The following NLRP5 variants were observed in gnomAD, a reference collection of about 807,000 sequenced individuals.
The protein encoded by NLRP5 is NLR family pyrin domain containing 5.
Under a neutral mutation model 113.1 loss-of-function variants are expected in NLRP5, and 93 were observed. The observed-to-expected ratio is 0.82, with a 90% confidence interval of 0.70 to 0.98. NLRP5 has a LOEUF of 0.98. Ranked by LOEUF, NLRP5 falls within the 50% of genes least tolerant of loss-of-function variation. NLRP5 has a pLI of 0.00. For synonymous variants in NLRP5, 751 were observed against 600.7 expected (o/e 1.25, Z -3.66); for missense variants, 1,808 against 1,514.3 (o/e 1.19, Z -3.22).
At chr19:55,989,501 C>T in the NLRP5 span, among the ~76,000 whole-genome samples, 5 of 152,216 alleles carry the variant, frequency 3.3e-5, no homozygotes, top group African/African-American at 1.2e-4. Flanking sequence ...GATCCACCCA[C>T]CTCAGCCTCC....
chr19:56,001,014 AAAAG>A (rs1981625708), intron 1 of NLRP5, among the ~76,000 whole-genome samples: 2 of 151,552 alleles, frequency 1.3e-5, no homozygotes, highest in Non-Finnish European at 2.9e-5. Context: ...CAAAAAGAAA[AAAAG>A]AAGAAGAAAA....
At chr19:56,038,399 T>C (rs1983398822) in intron 10 of NLRP5, among the ~76,000 whole-genome samples, 3 of 151,992 alleles carry the variant, frequency 2.0e-5, no homozygotes, top group African/African-American at 7.2e-5. Flanking sequence ...AAACTCTAAA[T>C]GGAGATAAAA....
At chr19:56,036,557 G>A (rs546891402) in intron 9 of NLRP5, among the ~76,000 whole-genome samples, 1 of 152,326 alleles carries the variant, frequency 6.6e-6, no homozygotes, top group African/African-American at 2.4e-5. Flanking sequence ...CTCTCATGGT[G>A]CTCACAGGCC....
chr19:56,051,834 A>G (rs1654395), intron 12 of NLRP5, among the ~76,000 whole-genome samples: 30,887 of 152,156 alleles, frequency 0.2, 3,702 homozygotes, highest in Admixed American at 0.33. Context: ...CTTATTCATT[A>G]CAAAGGCAGA....
chr19:56,011,161 A>G (rs1385461735), intron 3 of NLRP5, among the ~76,000 whole-genome samples: 5 of 137,580 alleles, frequency 3.6e-5, no homozygotes, highest in African/African-American at 5.1e-5. Context: ...TTTAAAAAAT[A>G]TATATACACA....
At chr19:56,002,094 A>G (rs531332966) in intron 1 of NLRP5, among the ~76,000 whole-genome samples, 22 of 152,218 alleles carry the variant, frequency 1.4e-4, no homozygotes, top group Non-Finnish European at 2.6e-4. Flanking sequence ...TTGATAGCAG[A>G]GGTCCTGGAC....
chr19:55,994,469 C>T, the NLRP5 span, among the ~76,000 whole-genome samples: 1 of 152,212 alleles, frequency 6.6e-6, no homozygotes, highest in Non-Finnish European at 1.5e-5. Flanking sequence ...ACCATCTCAG[C>T]TCACTGTAAC....
intron 14 of NLRP5, 33 bp downstream of exon 14, chr19:56,058,443 G>T: frequency 6.4e-7 from 1 of 1,572,388 alleles, no homozygotes; most frequent in South Asian, 1.1e-5. Context: ...CTGAGATACA[G>T]ACCTGCTTCT....
In NLRP5 at chr19:56,061,519, G is replaced by T; in HGVS notation, c.3594G>T (p.Trp1198Cys). 6.2e-7 allele frequency: 1 copy of T among 1,613,964 alleles called. No homozygotes were observed. Among genetic ancestry groups the T allele is most frequent in the South Asian group, 1.1e-5 (1 of 91,070 alleles). ...TTGATGAAGATGACCGGTACTGGTG[G>T]AAAAACTGAAGATACGGAAACCTGC... is the stretch of plus-strand genomic sequence containing the variant. Residue 1198 changes from tryptophan (W) to cysteine (C), a missense_variant, in exon 15 of 15, where the codon TGG (tryptophan) becomes TGT (cysteine). By Grantham distance (215) the Trp-to-Cys change is radical. Transcript: ENST00000390649.
intron 11 of NLRP5, among the ~76,000 whole-genome samples, chr19:56,044,847 G>A (rs1406660612): frequency 6.6e-6 from 1 of 152,200 alleles, no homozygotes; most frequent in African/African-American, 2.4e-5. Context: ...AGCATGGGAT[G>A]TGTGTCCATT....
At chr19:56,014,674 A>G (rs950385974) in intron 3 of NLRP5, among the ~76,000 whole-genome samples, 5 of 152,260 alleles carry the variant, frequency 3.3e-5, no homozygotes, top group Admixed American at 2.6e-4. Context: ...AGCAATATTT[A>G]TTGAAAACAC....
chr19:56,049,014 C>T (rs1325367871), intron 11 of NLRP5, among the ~76,000 whole-genome samples: 2 of 117,096 alleles, frequency 1.7e-5, no homozygotes, highest in Non-Finnish European at 3.3e-5. Flanking sequence ...CAGAGTCTTG[C>T]TCTGTCACCC....
intron 4 of NLRP5, among the ~76,000 whole-genome samples, chr19:56,017,104 G>A (rs548831833): frequency 6.6e-6 from 1 of 152,158 alleles, no homozygotes; most frequent in Admixed American, 6.6e-5. Context: ...ACCGCGCCCG[G>A]CCAAAATCCT....
chr19:56,019,082 G>C (rs1161894113), intron 4 of NLRP5, among the ~76,000 whole-genome samples: 1 of 152,014 alleles, frequency 6.6e-6, no homozygotes, highest in Non-Finnish European at 1.5e-5. Flanking sequence ...AGGTGCGAAC[G>C]ACCACGCCCA....
chr19:56,057,662 A>G (rs1280424902), intron 13 of NLRP5, among the ~76,000 whole-genome samples: 1 of 152,142 alleles, frequency 6.6e-6, no homozygotes, highest in African/African-American at 2.4e-5. Context: ...CCACAACTAT[A>G]ATTTGAGTTA....
upstream of NLRP5, among the ~76,000 whole-genome samples, chr19:55,996,278 A>G (rs1981320911): frequency 6.6e-6 from 1 of 152,184 alleles, no homozygotes; most frequent in Admixed American, 6.5e-5. Flanking sequence ...GGTTTGTCAT[A>G]CATGGCCTTT....
chr19:56,014,587 AT>A (rs563582033), intron 3 of NLRP5, among the ~76,000 whole-genome samples: 43 of 152,108 alleles, frequency 2.8e-4, no homozygotes, highest in Non-Finnish European at 5.0e-4. Context: ...GTCTTTAAAC[AT>A]TTTGAGTTAA....
In NLRP5 at chr19:56,061,594, G is replaced by C. The variant is rs117723733; in HGVS notation, c.*66G>C. ...GAACTTTAAACGCTGTTTTCTCAGA[G>C]CAAGCTATGCACCTGGGAGTTCCTT... On this transcript the variant is annotated 3_prime_UTR_variant, in exon 15 of 15. Transcript: ENST00000390649. 10,223 of 1,555,318 alleles carry C rather than the reference G, an allele frequency of 6.6e-3. 70 individuals are homozygous for C. Among genetic ancestry groups the C allele is most frequent in the Middle Eastern group, 0.017 (98 of 5,914 alleles).
intron 10 of NLRP5, among the ~76,000 whole-genome samples, chr19:56,039,039 C>G (rs1167663663): frequency 6.6e-6 from 1 of 152,166 alleles, no homozygotes; most frequent in Non-Finnish European, 1.5e-5. Context: ...TTACAGCAAC[C>G]ACTATTCAAT....
Sources: gnomAD v4.1 joint callset for allele counts (sites outside exome capture counted in the v4.1 genomes callset) on GRCh38, gnomAD v4.1.1 for gene constraint, MANE v1.5 for transcripts, NCBI Gene and HGNC (gene_info 2026-07-23, HGNC 2026-07-21) for gene names.